The following SAMD4A variants were observed in gnomAD, a reference collection of about 807,000 sequenced individuals.
SAMD4A encodes protein Smaug homolog 1.
In SAMD4A, 33 loss-of-function variants were observed where a neutral mutation model predicts 81.3. The observed-to-expected ratio is 0.41, with a 90% CI of 0.31 to 0.54. SAMD4A has a LOEUF of 0.54. Among genes scored for constraint, SAMD4A ranks in the 20% least tolerant of loss-of-function variants. The pLI is 0.37. For missense variants in SAMD4A, 854 were observed against 951.1 expected, an observed-to-expected ratio of 0.90 and a Z score of 1.34; for synonymous variants, 389 against 382.1, an observed-to-expected ratio of 1.02 and a Z score of -0.21.
intron 2 of SAMD4A, among the ~76,000 whole-genome samples, chr14:54,610,290 T>C (rs1300644569): frequency 2.0e-5 from 3 of 152,184 alleles, no homozygotes; most frequent in Non-Finnish European, 4.4e-5. Flanking sequence ...CAAGAATGTA[T>C]TTCTACAAAA....
chr14:54,714,850 TA>T (rs2037080410), intron 3 of SAMD4A, among the ~76,000 whole-genome samples: 1 of 152,162 alleles, frequency 6.6e-6, no homozygotes, highest in Non-Finnish European at 1.5e-5. Context: ...CCCATTATGC[TA>T]AATTGAAATC....
chr14:54,758,508 G>A (rs1215967886), intron 6 of SAMD4A, among the ~76,000 whole-genome samples: 2 of 152,204 alleles, frequency 1.3e-5, no homozygotes, highest in African/African-American at 4.8e-5. Context: ...TTTTTAAAAT[G>A]TCCTTGCTAT....
At chr14:54,781,870 G>A (rs768638538) in intron 11 of SAMD4A, among the ~76,000 whole-genome samples, 8 of 152,192 alleles carry the variant, frequency 5.3e-5, no homozygotes, top group Non-Finnish European at 7.3e-5. Context: ...TTATACGTGC[G>A]GCGAGATGGC....
intron 2 of SAMD4A, among the ~76,000 whole-genome samples, chr14:54,608,074 C>T (rs1455134981): frequency 6.6e-6 from 1 of 151,920 alleles, no homozygotes; most frequent in Non-Finnish European, 1.5e-5. Context: ...AAGGAGGACC[C>T]TCAGCCACTA....
At chr14:54,581,674 G>A (rs886167305) in intron 2 of SAMD4A, among the ~76,000 whole-genome samples, 6 of 152,198 alleles carry the variant, frequency 3.9e-5, no homozygotes, top group Non-Finnish European at 1.5e-5. Context: ...TCCAGTATGA[G>A]TGGTCATGCA....
intron 2 of SAMD4A, among the ~76,000 whole-genome samples, chr14:54,681,622 G>A (rs2036130574): frequency 6.6e-6 from 1 of 152,046 alleles, no homozygotes; most frequent in Non-Finnish European, 1.5e-5. Context: ...TATAGAGATG[G>A]TATCTCCCTA....
chr14:54,606,503 C>T (rs2034210365), intron 2 of SAMD4A, among the ~76,000 whole-genome samples: 1 of 152,194 alleles, frequency 6.6e-6, no homozygotes, highest in Non-Finnish European at 1.5e-5. Flanking sequence ...TCAGGCTGCA[C>T]TTGAGGCTGC....
At chr14:54,749,372 A>G (rs1038993964) in intron 5 of SAMD4A, among the ~76,000 whole-genome samples, 3 of 152,182 alleles carry the variant, frequency 2.0e-5, no homozygotes, top group Non-Finnish European at 4.4e-5. Context: ...TGTCTAGTCC[A>G]GTTACAAATC....
chr14:54,645,891 G>A (rs1473583260), intron 2 of SAMD4A, among the ~76,000 whole-genome samples: 2 of 152,210 alleles, frequency 1.3e-5, no homozygotes, highest in African/African-American at 4.8e-5. Context: ...TAGTCAGTGG[G>A]AATTTGTTAC....
In SAMD4A at chr14:54,769,432, A is replaced by T. The variant is rs534511437; in HGVS notation, c.1597-672A>T. Reference sequence around the variant, plus strand: ...GGCTAAACGCAAAAGGAAATATAACATAGGTAAGAGTTTGTTACAAGGCAG... The same window carrying T: ...GGCTAAACGCAAAAGGAAATATAACTTAGGTAAGAGTTTGTTACAAGGCAG... On this transcript the variant is annotated intron_variant, in intron 8 of 12. Transcript: ENST00000554335. Among the ~76,000 whole-genome samples, 3 of 152,326 alleles carry T rather than the reference A, an allele frequency of 2.0e-5. No homozygotes were observed. In the South Asian group the frequency reaches 6.2e-4, roughly 32 times the overall value.
intron 4 of SAMD4A, among the ~76,000 whole-genome samples, chr14:54,740,836 C>T (rs951112138): frequency 6.6e-6 from 1 of 152,168 alleles, no homozygotes; most frequent in Non-Finnish European, 1.5e-5. Flanking sequence ...CTTTGGTTTT[C>T]CTTCTTTAGT....
chr14:54,700,674 G>A (rs1362733406), intron 2 of SAMD4A, among the ~76,000 whole-genome samples: 1 of 152,196 alleles, frequency 6.6e-6, no homozygotes, highest in Non-Finnish European at 1.5e-5. Context: ...TGTCAGGAAT[G>A]ACTTCCCTGA....
At chr14:54,688,018 AAGG>A (rs1279683085) in intron 2 of SAMD4A, 1 of 985,584 alleles carries the variant, frequency 1.0e-6, no homozygotes, top group Non-Finnish European at 1.2e-6. Flanking sequence ...GAGGGAAGAA[AAGG>A]AGAAGGACAA....
At chr14:54,641,745 G>A (rs557711521) in intron 2 of SAMD4A, among the ~76,000 whole-genome samples, 1 of 152,306 alleles carries the variant, frequency 6.6e-6, no homozygotes, top group Admixed American at 6.5e-5. Flanking sequence ...TGGAGAATCA[G>A]TGACCTTTAA....
At chr14:54,576,958 C>G (rs2033315817) in intron 2 of SAMD4A, among the ~76,000 whole-genome samples, 1 of 152,178 alleles carries the variant, frequency 6.6e-6, no homozygotes, top group Non-Finnish European at 1.5e-5. Flanking sequence ...GAGCCTGAGG[C>G]AAGGGCTGGT....
chr14:54,785,707 T>C (rs570138983), intron 12 of SAMD4A, among the ~76,000 whole-genome samples: 1 of 152,232 alleles, frequency 6.6e-6, no homozygotes, highest in African/African-American at 2.4e-5. Context: ...AGACCTAAGG[T>C]TGTTAGATTT....
intron 2 of SAMD4A, among the ~76,000 whole-genome samples, chr14:54,638,416 T>C (rs549933155): frequency 6.6e-6 from 1 of 152,372 alleles, no homozygotes; most frequent in African/African-American, 2.4e-5. Context: ...AAAGGAATTC[T>C]AGAATATTGG....
At chr14:54,783,839 C>T (rs2039065412) in intron 11 of SAMD4A, among the ~76,000 whole-genome samples, 1 of 152,236 alleles carries the variant, frequency 6.6e-6, no homozygotes, top group Non-Finnish European at 1.5e-5. Context: ...TCCTCTCCCA[C>T]TCTAGATGCA....
intron 2 of SAMD4A, among the ~76,000 whole-genome samples, chr14:54,691,576 T>C (rs959504035): frequency 1.7e-5 from 2 of 115,230 alleles, no homozygotes; most frequent in African/African-American, 6.8e-5. Context: ...AAAAAAAAAA[T>C]CTGAAAAATC....
Sources: allele counts gnomAD v4.1 joint callset (sites outside exome capture counted in the v4.1 genomes callset), GRCh38; gene constraint gnomAD v4.1.1; transcripts MANE v1.5; gene names NCBI Gene and HGNC (gene_info 2026-07-23, HGNC 2026-07-21).